Variants in AGBL4 observed in about 807,000 individuals in gnomAD.
AGBL4 encodes cytosolic carboxypeptidase 6.
In AGBL4, 58 loss-of-function variants were observed where a neutral mutation model predicts 66.4. The observed-to-expected ratio is 0.87, with a 90% CI of 0.71 to 1.09. AGBL4 has a LOEUF of 1.09. Among genes scored for constraint, AGBL4 ranks in the 50% least tolerant of loss-of-function variants. The probability of loss-of-function intolerance (pLI) is 0.00; values close to 1 mark genes in which losing one functional copy is unlikely to be tolerated. For synonymous variants in AGBL4, 234 were observed against 222.9 expected (o/e 1.05, Z -0.44); for missense variants, 579 against 631.0 (o/e 0.92, Z 0.88).
Position 49,646,985 on chromosome 1 carries a change from A to G in AGBL4, c.282+50328T>C, listed in dbSNP as rs528962065. ...CATAGACCAAAAAAAAAAAATCAAA[A>G]AATACAAACTTCTTTTGATATTGGC... On this transcript the variant is annotated intron_variant, in intron 3 of 13. Transcript: ENST00000371839. Among the ~76,000 whole-genome samples the G allele has an allele frequency of 4.6e-5, 7 of 152,130 alleles. No individual in the cohort carries two copies. The East Asian group carries it at 1.4e-3, about 29-fold the overall frequency.
intron 3 of AGBL4, among the ~76,000 whole-genome samples, chr1:49,256,766 A>C (rs1652540719): frequency 6.6e-6 from 1 of 152,244 alleles, no homozygotes; most frequent in African/African-American, 2.4e-5. Flanking sequence ...AAAACAATTT[A>C]GTTTACATTG....
At chr1:49,915,034 C>G (rs1469365585) in intron 1 of AGBL4, among the ~76,000 whole-genome samples, 2 of 152,104 alleles carry the variant, frequency 1.3e-5, no homozygotes, top group East Asian at 3.9e-4. Context: ...AGGAGATAAT[C>G]AAACCATAAC....
At chr1:49,153,603 C>CATAGCTATTATTATAGT (rs1557684181) in intron 4 of AGBL4, among the ~76,000 whole-genome samples, 2 of 151,906 alleles carry the variant, frequency 1.3e-5, no homozygotes, top group African/African-American at 4.8e-5. Context: ...CCCTTCTCAA[C>CATAGCTATTATTATAGT]AGGAATATTT....
intron 6 of AGBL4, among the ~76,000 whole-genome samples, chr1:48,773,160 C>T (rs764237771): frequency 6.6e-5 from 10 of 152,090 alleles, no homozygotes; most frequent in Admixed American, 1.3e-4. Flanking sequence ...ATTCAGCACA[C>T]TCAAACAACA....
intron 5 of AGBL4, among the ~76,000 whole-genome samples, chr1:48,990,541 C>T (rs528238611): frequency 6.6e-6 from 1 of 152,114 alleles, no homozygotes; most frequent in East Asian, 1.9e-4. Flanking sequence ...AAGTCTGTAA[C>T]CCACTTAAAT....
Position 49,526,405 on chromosome 1 carries a change from T to A in AGBL4, c.282+170908A>T, listed in dbSNP as rs533678817. ...ATTTTACACAAATAAAAATAGAAACTTCTAAACTGTGACCAGAACAATACA... is the reference window on the plus strand; with the variant it reads ...ATTTTACACAAATAAAAATAGAAACATCTAAACTGTGACCAGAACAATACA... On this transcript the variant is annotated intron_variant, in intron 3 of 13. Transcript: ENST00000371839. Among the ~76,000 whole-genome samples, 3 of 152,164 alleles carry A rather than the reference T, an allele frequency of 2.0e-5. No individual in the cohort carries two copies. The East Asian group carries it at 5.8e-4, about 29-fold the overall frequency.
intron 6 of AGBL4, chr1:48,818,177 C>A (rs1646229213): frequency 1.4e-6 from 1 of 717,208 alleles, no homozygotes; most frequent in East Asian, 2.7e-5. Flanking sequence ...GGAAAGGCCA[C>A]CATTCTCCTT....
chr1:48,564,350 G>A (rs541432624), intron 11 of AGBL4, among the ~76,000 whole-genome samples: 120 of 151,706 alleles, frequency 7.9e-4, no homozygotes, highest in African/African-American at 2.7e-3. Flanking sequence ...GGTAGTCAGG[G>A]CCTCTGTCTA....
intron 6 of AGBL4, among the ~76,000 whole-genome samples, chr1:48,810,179 T>C (rs184156746): frequency 1.3e-3 from 200 of 152,298 alleles, no homozygotes; most frequent in African/African-American, 4.7e-3. Flanking sequence ...GGCTGGCTCC[T>C]GGGGACACAC....
intron 5 of AGBL4, among the ~76,000 whole-genome samples, chr1:48,914,296 C>G (rs548432141): frequency 1.6e-4 from 24 of 152,052 alleles, no homozygotes; most frequent in African/African-American, 5.8e-4. Flanking sequence ...AATAGTGTTT[C>G]CAGATGAAGA....
At chr1:49,759,746 T>A (rs1463295389) in intron 2 of AGBL4, among the ~76,000 whole-genome samples, 1 of 152,146 alleles carries the variant, frequency 6.6e-6, no homozygotes, top group Non-Finnish European at 1.5e-5. Context: ...CAAAATGAGG[T>A]ATATCCAAAC....
At chr1:49,024,032 C>A (rs1207637515) in intron 5 of AGBL4, among the ~76,000 whole-genome samples, 1 of 152,072 alleles carries the variant, frequency 6.6e-6, no homozygotes, top group African/African-American at 2.4e-5. Flanking sequence ...GGCAAGGTAT[C>A]TGCAGCTGAC....
intron 1 of AGBL4, among the ~76,000 whole-genome samples, chr1:49,914,442 C>T (rs1281687150): frequency 1.3e-5 from 2 of 152,188 alleles, no homozygotes; most frequent in Non-Finnish European, 2.9e-5. Flanking sequence ...GTCTGAACTT[C>T]ATCAGAATAG....
the AGBL4 span, among the ~76,000 whole-genome samples, chr1:48,524,274 C>G: frequency 6.6e-6 from 1 of 152,044 alleles, no homozygotes; most frequent in African/African-American, 2.4e-5. Context: ...TAACACCACA[C>G]AAGCAATGTT....
intron 4 of AGBL4, among the ~76,000 whole-genome samples, chr1:49,060,467 A>T (rs954713258): frequency 6.6e-6 from 1 of 152,136 alleles, no homozygotes; most frequent in Non-Finnish European, 1.5e-5. Context: ...GCCTCATGAG[A>T]TAAGAGATTT....
intron 3 of AGBL4, among the ~76,000 whole-genome samples, chr1:49,677,310 G>A (rs1365366862): frequency 1.3e-5 from 2 of 152,002 alleles, no homozygotes; most frequent in Non-Finnish European, 2.9e-5. Context: ...TTATGAATAG[G>A]TGTTGAATTT....
At chr1:49,579,139 C>T (rs1355234872) in intron 3 of AGBL4, among the ~76,000 whole-genome samples, 1 of 152,150 alleles carries the variant, frequency 6.6e-6, no homozygotes, top group East Asian at 1.9e-4. Flanking sequence ...ACTGGCTTTC[C>T]TTGCTGCTCA....
At chr1:49,639,634 T>C (rs1645743009) in intron 3 of AGBL4, among the ~76,000 whole-genome samples, 1 of 152,166 alleles carries the variant, frequency 6.6e-6, no homozygotes, top group Admixed American at 6.6e-5. Context: ...GTCTTCCAAA[T>C]CCCAGGCATT....
intron 9 of AGBL4, among the ~76,000 whole-genome samples, chr1:48,608,540 G>T (rs1490096418): frequency 1.4e-5 from 2 of 147,734 alleles, no homozygotes; most frequent in African/African-American, 5.2e-5. Flanking sequence ...ATGAGTCAGA[G>T]AAGTGGATGG....
Sources: gnomAD v4.1 joint callset for allele counts (sites outside exome capture counted in the v4.1 genomes callset) on GRCh38, gnomAD v4.1.1 for gene constraint, MANE v1.5 for transcripts, NCBI Gene and HGNC (gene_info 2026-07-23, HGNC 2026-07-21) for gene names.